Variants in TTC33 observed in about 807,000 individuals in gnomAD.
TTC33 encodes the protein tetratricopeptide repeat protein 33.
Under a neutral mutation model 29.4 loss-of-function variants are expected in TTC33, and 24 were observed. That is an observed-to-expected ratio of 0.82 (90% CI 0.59 to 1.15). TTC33 has a LOEUF of 1.15. Among genes scored for constraint, TTC33 ranks in the 50% most tolerant of loss-of-function variants. The probability of loss-of-function intolerance (pLI) is 0.00; values close to 1 mark genes in which losing one functional copy is unlikely to be tolerated. For missense variants in TTC33, 286 were observed against 310.4 expected, an observed-to-expected ratio of 0.92 and a Z score of 0.59; for synonymous variants, 107 against 100.3, an observed-to-expected ratio of 1.07 and a Z score of -0.40.
chr5:40,728,503 C>G, intron 3 of TTC33, 27 bp from the exon 4 acceptor site: 1 of 1,570,126 alleles, frequency 6.4e-7, no homozygotes, highest in Non-Finnish European at 8.6e-7. Context: ...ACCAAAAAAT[C>G]TGTCAGTAAT....
intron 2 of TTC33, among the ~76,000 whole-genome samples, chr5:40,736,064 G>A (rs1230602005): frequency 1.3e-5 from 2 of 152,204 alleles, no homozygotes; most frequent in African/African-American, 4.8e-5. Context: ...ATATAAAAAT[G>A]AGAGGACAAT....
At chr5:40,738,567 T>TAAAATATAAAATAAA (rs1286758071) in intron 2 of TTC33, among the ~76,000 whole-genome samples, 6 of 67,590 alleles carry the variant, frequency 8.9e-5, no homozygotes, top group Non-Finnish European at 1.3e-4. Flanking sequence ...TAAAATAAAA[T>TAAAATATAAAATAAA]ATAAAATAAA....
chr5:40,713,667 T>C lies in TTC33; in HGVS notation c.*2478A>G, dbSNP rs1319896774. On this transcript the variant is annotated 3_prime_UTR_variant, in exon 5 of 5. Transcript: ENST00000337702. ...GCATGGTCTGGATGTCTAGACACTC[T>C]GACTAATGAGTGTCTATGCCATACA... is the stretch of plus-strand genomic sequence containing the variant. Among the ~76,000 whole-genome samples, 1 of 152,210 alleles carries C rather than the reference T, an allele frequency of 6.6e-6. No homozygotes were observed. The highest frequency in any genetic ancestry group is 2.4e-5 in the African/African-American group (1 of 41,470).
intron 2 of TTC33, among the ~76,000 whole-genome samples, chr5:40,734,620 T>C (rs996174571): frequency 3.9e-5 from 6 of 152,348 alleles, no homozygotes; most frequent in Middle Eastern, 3.4e-3. Flanking sequence ...TGTGTTTAGC[T>C]ACTTTACTCC....
At chr5:40,730,460 C>G in intron 2 of TTC33, 117 bp from the exon 3 acceptor site, 1 of 754,052 alleles carries the variant, frequency 1.3e-6, no homozygotes, top group Non-Finnish European at 2.2e-6. Flanking sequence ...TTTAAGTGTA[C>G]AGTTCAGAGG....
At chr5:40,750,104 G>C (rs1579693916) in intron 1 of TTC33, among the ~76,000 whole-genome samples, 1 of 142,802 alleles carries the variant, frequency 7.0e-6, no homozygotes, top group African/African-American at 2.6e-5. Context: ...AAAAAAAAAA[G>C]TACATGCCTT....
intron 1 of TTC33, among the ~76,000 whole-genome samples, chr5:40,748,926 G>A (rs1742847632): frequency 6.6e-6 from 1 of 152,130 alleles, no homozygotes; most frequent in Admixed American, 6.5e-5. Flanking sequence ...TTTGAGGTCA[G>A]GAGTTTAAGA....
In TTC33 at chr5:40,712,805, G is replaced by A. The variant is rs1179580964; in HGVS notation, c.*3340C>T. Among the ~76,000 whole-genome samples the A allele has an allele frequency of 6.6e-6, 1 of 152,122 alleles. No homozygotes were observed. The highest frequency in any genetic ancestry group is 1.5e-5 in the Non-Finnish European group (1 of 68,006). Reference sequence around the variant, plus strand: ...GGATAGCCTAAGAAGCACTGTGAGAGGAAGCCATCCTTACCCGCCGCTGCC... The same window carrying A: ...GGATAGCCTAAGAAGCACTGTGAGAAGAAGCCATCCTTACCCGCCGCTGCC... On this transcript the variant is annotated 3_prime_UTR_variant, in exon 5 of 5. Coordinates refer to ENST00000337702, the MANE Select transcript of TTC33 (RefSeq NM_012382.3).
At chr5:40,734,026 C>A (rs1414293666) in intron 2 of TTC33, among the ~76,000 whole-genome samples, 1 of 152,176 alleles carries the variant, frequency 6.6e-6, no homozygotes, top group Non-Finnish European at 1.5e-5. Context: ...GCAGAGGCAT[C>A]CCTCAATGAA....
chr5:40,722,327 C>T (rs531449153), intron 4 of TTC33, among the ~76,000 whole-genome samples: 21 of 152,138 alleles, frequency 1.4e-4, no homozygotes, highest in Non-Finnish European at 2.5e-4. Context: ...CCGGCCGCCA[C>T]CCCGTCTAGG....
chr5:40,754,919 T>C (rs2111947913), intron 1 of TTC33, among the ~76,000 whole-genome samples: 1 of 152,346 alleles, frequency 6.6e-6, no homozygotes, highest in Admixed American at 6.5e-5. Context: ...TAAAACTTCT[T>C]ATGAAGGAGG....
chr5:40,719,884 T>A (rs1742088634), intron 4 of TTC33, among the ~76,000 whole-genome samples: 1 of 152,212 alleles, frequency 6.6e-6, no homozygotes, highest in Non-Finnish European at 1.5e-5. Flanking sequence ...TTAAATTACA[T>A]TATTTGTCTT....
chr5:40,724,915 C>A (rs1343334846), intron 4 of TTC33, among the ~76,000 whole-genome samples: 13 of 147,386 alleles, frequency 8.8e-5, no homozygotes, highest in African/African-American at 3.3e-4. Flanking sequence ...TGCAGTGGTG[C>A]GATCTCAGCT....
chr5:40,723,525 AAAAG>A (rs1159457640), intron 4 of TTC33, among the ~76,000 whole-genome samples: 18 of 151,462 alleles, frequency 1.2e-4, no homozygotes, highest in African/African-American at 3.9e-4. Flanking sequence ...AAAAAAAAAA[AAAAG>A]AAATATCACC....
intron 4 of TTC33, among the ~76,000 whole-genome samples, chr5:40,722,574 G>C (rs1361454936): frequency 6.6e-6 from 1 of 152,064 alleles, no homozygotes; most frequent in African/African-American, 2.4e-5. Context: ...TCTGGGAACT[G>C]AGGAGCGTCT....
intron 2 of TTC33, among the ~76,000 whole-genome samples, chr5:40,738,500 AATAC>A (rs1301693525): frequency 1.3e-4 from 18 of 136,832 alleles, no homozygotes; most frequent in African/African-American, 3.6e-4. Flanking sequence ...AATACAATAC[AATAC>A]AATAAAATAC....
chr5:40,720,481 T>C (rs142111600), intron 4 of TTC33, among the ~76,000 whole-genome samples: 125 of 152,356 alleles, frequency 8.2e-4, no homozygotes, highest in African/African-American at 2.7e-3. Context: ...AATATACATA[T>C]GTATTTAAAG....
intron 4 of TTC33, among the ~76,000 whole-genome samples, chr5:40,725,691 C>T (rs1742263562): frequency 1.3e-5 from 2 of 151,988 alleles, no homozygotes. Context: ...CCCTCTCTAC[C>T]TTCTTCTTCA....
intron 4 of TTC33, among the ~76,000 whole-genome samples, chr5:40,725,784 C>CTTTTTT (rs35070396): frequency 1.6e-5 from 2 of 126,066 alleles, no homozygotes; most frequent in Admixed American, 8.1e-5. Flanking sequence ...TTCTCTTCAG[C>CTTTTTT]TTTTTTTTTT....
Sources: gnomAD v4.1 joint callset for allele counts (sites outside exome capture counted in the v4.1 genomes callset) on GRCh38, gnomAD v4.1.1 for gene constraint, MANE v1.5 for transcripts, NCBI Gene and HGNC (gene_info 2026-07-23, HGNC 2026-07-21) for gene names.